SND1: variants seen among roughly 807,000 people sequenced by gnomAD.
SND1 encodes the protein staphylococcal nuclease and tudor domain containing 1.
SND1 carries 38 observed loss-of-function variants against 121.7 expected under a neutral mutation model. The ratio of observed to expected loss-of-function variants is 0.31; its 90% confidence interval spans 0.24 to 0.41. The LOEUF (loss-of-function observed/expected upper bound fraction) is 0.41, where lower values mean the gene tolerates loss of function less well. Ranked by LOEUF, SND1 falls within the 10% of genes least tolerant of loss-of-function variation. The probability of loss-of-function intolerance (pLI) is 1.00; values close to 1 mark genes in which losing one functional copy is unlikely to be tolerated. For missense variants in SND1, 868 were observed against 1,184.6 expected (o/e 0.73, Z 3.92); for synonymous variants, 401 against 447.4 (o/e 0.90, Z 1.31).
chr7:128,056,787 C>G (rs574161062), intron 16 of SND1, among the ~76,000 whole-genome samples: 1 of 152,192 alleles, frequency 6.6e-6, no homozygotes, highest in African/African-American at 2.4e-5. Flanking sequence ...TGTTTTTTTC[C>G]TACATATGCA....
intron 15 of SND1, among the ~76,000 whole-genome samples, chr7:127,963,932 T>C (rs1801795169): frequency 7.1e-6 from 1 of 141,692 alleles, no homozygotes; most frequent in East Asian, 2.2e-4. Context: ...CCTGACTTTT[T>C]AATGATTGCC....
In SND1 at chr7:128,092,280, C is replaced by T; in HGVS notation, c.*222C>T. ...CCTCTGGGATGATGGGCACTGCTAT[C>T]CACAGTCTCTGCCAGTTGGTTTTAT... On this transcript the variant is annotated 3_prime_UTR_variant, in exon 24 of 24. Transcript: ENST00000354725. This position sits in a 1 kb window ranked among gnomAD's most constrained non-coding sequence, Gnocchi z 4.9. 1 of 554,860 alleles carries T rather than the reference C, an allele frequency of 1.8e-6. No homozygotes were observed. Among genetic ancestry groups the T allele is most frequent in the Admixed American group, 3.1e-5 (1 of 32,050 alleles). The allele number at this position is 554,860 out of a possible 1,614,324, so 34.4% of individuals were successfully genotyped here.
At chr7:128,073,223 C>T (rs750744894) in intron 16 of SND1, among the ~76,000 whole-genome samples, 1 of 152,190 alleles carries the variant, frequency 6.6e-6, no homozygotes, top group Non-Finnish European at 1.5e-5. Flanking sequence ...TTCTCCAGTG[C>T]CACCTACAGA....
At chr7:127,874,397 T>A (rs1419969) in intron 12 of SND1, among the ~76,000 whole-genome samples, 133,414 of 152,214 alleles carry the variant, frequency 0.88, 58,750 homozygotes, top group African/African-American at 0.94. Flanking sequence ...TAATGACTGT[T>A]ATCATTTTTT....
chr7:127,665,348 G>T (rs770250577), intron 1 of SND1, among the ~76,000 whole-genome samples: 1 of 151,786 alleles, frequency 6.6e-6, no homozygotes, highest in African/African-American at 2.4e-5. Flanking sequence ...CACCACGCCC[G>T]GCCAATTTTT....
intron 16 of SND1, among the ~76,000 whole-genome samples, chr7:128,001,926 C>T (rs531164179): frequency 1.8e-4 from 27 of 152,078 alleles, no homozygotes; most frequent in African/African-American, 6.3e-4. Context: ...AGCGAAACTC[C>T]ATCTCAAAAA....
Position 127,887,133 on chromosome 7 carries a change from A to G in SND1, c.1344-769A>G, listed in dbSNP as rs558829079. On this transcript the variant is annotated intron_variant, in intron 12 of 23. Coordinates refer to ENST00000354725, the MANE Select transcript of SND1 (RefSeq NM_014390.4). ...CTCAGCATTCCAAGTAGCTGGAACT[A>G]CAGGCATGCACCACCACACTCGGCT... is the stretch of plus-strand genomic sequence containing the variant. Among the ~76,000 whole-genome samples the G allele has an allele frequency of 2.0e-5, 3 of 152,166 alleles. No homozygotes were observed. The East Asian group carries it at 5.8e-4, about 30-fold the overall frequency.
At chr7:127,879,921 A>G (rs1402549579) in intron 12 of SND1, among the ~76,000 whole-genome samples, 1 of 152,218 alleles carries the variant, frequency 6.6e-6, no homozygotes, top group Non-Finnish European at 1.5e-5. Flanking sequence ...ATGTGTGTGC[A>G]TGCATGCAGG....
intron 1 of SND1, among the ~76,000 whole-genome samples, chr7:127,663,261 A>G (rs1026509855): frequency 1.3e-5 from 2 of 152,016 alleles, no homozygotes; most frequent in Non-Finnish European, 2.9e-5. Flanking sequence ...GATAGTTGCT[A>G]TATTTTATTG....
Position 127,955,509 on chromosome 7 carries a change from G to T in SND1, c.1669+26180G>T, listed in dbSNP as rs529115266. 9.9e-5 allele frequency among the ~76,000 whole-genome samples: 15 copies of T among 152,270 alleles called. No individual in the cohort carries two copies. In the South Asian group the frequency reaches 2.9e-3, roughly 29 times the overall value. ...CCCCCTAGCCAGTGGAGTTGTGGGG[G>T]GGTGGTGGCACGTGGTTATGCAGAG... On this transcript the variant is annotated intron_variant, in intron 15 of 23. Transcript: ENST00000354725.
chr7:127,900,893 T>C (rs532867313), intron 13 of SND1, among the ~76,000 whole-genome samples: 11 of 152,214 alleles, frequency 7.2e-5, no homozygotes, highest in Non-Finnish European at 1.3e-4. Context: ...TCTGCCCCAC[T>C]GTTTCCTTTC....
chr7:127,842,028 A>G (rs975348859), intron 11 of SND1, among the ~76,000 whole-genome samples: 1 of 152,178 alleles, frequency 6.6e-6, no homozygotes, highest in Non-Finnish European at 1.5e-5. Flanking sequence ...TGGAGTGTTC[A>G]AGTGGGTGAT....
intron 10 of SND1, among the ~76,000 whole-genome samples, chr7:127,770,456 T>C (rs930380542): frequency 6.6e-6 from 1 of 151,714 alleles, no homozygotes; most frequent in Non-Finnish European, 1.5e-5. Context: ...CCTGCACTAA[T>C]TAGATCACTT....
At chr7:127,931,402 G>A (rs1010643654) in intron 15 of SND1, among the ~76,000 whole-genome samples, 3 of 152,206 alleles carry the variant, frequency 2.0e-5, no homozygotes, top group Non-Finnish European at 4.4e-5. Context: ...TAAAGAAGCT[G>A]CAGAAGAAAA....
Position 127,849,270 on chromosome 7 carries a change from C to T in SND1, c.1343+4846C>T, listed in dbSNP as rs75433817. Among the ~76,000 whole-genome samples the T allele has an allele frequency of 4.3e-3, 656 of 152,254 alleles. 7 individuals carry two copies. The highest frequency in any genetic ancestry group is 0.015 in the African/African-American group (631 of 41,542). On this transcript the variant is annotated intron_variant, in intron 12 of 23. Transcript: ENST00000354725. The stretch of plus-strand genomic sequence containing the variant: ...TGCAGTGATTAAAATCTCCTTCTTT[C>T]GTTCTTGCCAGAGCCTTCTTGAAGA...
At chr7:127,978,263 G>A (rs141007692) in intron 15 of SND1, among the ~76,000 whole-genome samples, 6 of 152,244 alleles carry the variant, frequency 3.9e-5, no homozygotes, top group African/African-American at 1.4e-4. Context: ...TAAGGGGTTG[G>A]CGCTCAGTGG....
At chr7:127,789,260 T>C (rs937395230) in intron 10 of SND1, among the ~76,000 whole-genome samples, 6 of 152,220 alleles carry the variant, frequency 3.9e-5, no homozygotes, top group Non-Finnish European at 8.8e-5. Context: ...CTGTTAATGG[T>C]AGATTTATAG....
At chr7:127,719,949 C>G (rs78523723) in intron 9 of SND1, among the ~76,000 whole-genome samples, 8,885 of 152,178 alleles carry the variant, frequency 0.058, 344 homozygotes, top group Non-Finnish European at 0.088. Context: ...TGTTTTCTAT[C>G]CTTCTTGAGA....
intron 13 of SND1, among the ~76,000 whole-genome samples, chr7:127,895,774 G>A (rs899175387): frequency 6.6e-6 from 1 of 152,042 alleles, no homozygotes; most frequent in African/African-American, 2.4e-5. Flanking sequence ...TGCATTTAAG[G>A]CAGCACAAAT....
Sources: gnomAD v4.1 joint callset for allele counts (sites outside exome capture counted in the v4.1 genomes callset) on GRCh38, gnomAD v4.1.1 for gene constraint, Gnocchi (gnomAD v3.1) non-coding constraint, MANE v1.5 for transcripts, NCBI Gene and HGNC (gene_info 2026-07-23, HGNC 2026-07-21) for gene names.